Variants in MYO10 observed in about 807,000 individuals in gnomAD.
MYO10 encodes unconventional myosin-X.
In MYO10, 133 loss-of-function variants were observed where a neutral mutation model predicts 257.3. The ratio of observed to expected loss-of-function variants is 0.52; its 90% CI spans 0.45 to 0.60. MYO10 has a LOEUF of 0.60. MYO10 is among the 20% of genes least tolerant of loss of function. MYO10 has a pLI of 0.00. For missense variants in MYO10, 2,399 were observed against 2,635.7 expected (o/e 0.91, Z 1.97); for synonymous variants, 1,104 against 1,028.6 (o/e 1.07, Z -1.40).
At chr5:16,792,130 C>CAG (rs1411093853) in intron 4 of MYO10, among the ~76,000 whole-genome samples, 35 of 80,682 alleles carry the variant, frequency 4.3e-4, no homozygotes, top group African/African-American at 1.0e-3. Context: ...CACACACACA[C>CAG]ACAGAGAGAG....
chr5:16,912,990 A>C (rs1466549228), intron 1 of MYO10, among the ~76,000 whole-genome samples: 17 of 1,650 alleles, frequency 0.01, 1 homozygote, highest in Admixed American at 0.069. Context: ...TTTATTCCCA[A>C]AAAAAAAAAA....
chr5:16,851,148 T>G (rs1332556341), intron 2 of MYO10, among the ~76,000 whole-genome samples: 1 of 152,144 alleles, frequency 6.6e-6, no homozygotes, highest in African/African-American at 2.4e-5. Context: ...AAGACTTTAT[T>G]TCTACCATGA....
chr5:16,794,797 A>G lies in MYO10; in HGVS notation c.316T>C (p.Tyr106His), dbSNP rs372388137. 3 of 1,590,752 alleles carry G rather than the reference A, an allele frequency of 1.9e-6. No homozygotes were observed. The highest frequency in any genetic ancestry group is 1.8e-5 in the Admixed American group (1 of 56,676). Residue 106 changes from tyrosine (Y) to histidine (H), a missense_variant, in exon 4 of 41, where the codon TAC becomes CAC. This residue lies in a region of MYO10 where 242 missense variants were observed against 249.5 expected (regional missense o/e 0.97). Transcript: ENST00000513610. The stretch of plus-strand genomic sequence containing the variant: ...TCGTACAGCCCGGCGATGGGCTGGT[A>G]GGGGTTCACGGAGGCCAGGATGGAG... ...IGSILASVNP[Y>H]QPIAGLYEPA...
Position 16,670,778 on chromosome 5 carries a change from C to A in MYO10, c.5631G>T (p.Leu1877=), listed in dbSNP as rs1368333778. The part of the protein sequence containing the change: ...STKTFTPCER[L]EKRRTSFLEG... ...CTAGGAAGCTCGTCCGCCTCTTCTCCAGCCGTTCACAAGGGGTGAAGGTTT... is the reference window on the plus strand; with the variant it reads ...CTAGGAAGCTCGTCCGCCTCTTCTCAAGCCGTTCACAAGGGGTGAAGGTTT... Residue 1877 remains leucine (L), a synonymous_variant, in exon 39 of 41, where the codon CTG becomes CTT. Transcript: ENST00000513610. 1 of 1,613,850 alleles carries A rather than the reference C, an allele frequency of 6.2e-7. No homozygotes were observed. Among genetic ancestry groups the A allele is most frequent in the African/African-American group, 1.3e-5 (1 of 74,880 alleles).
chr5:16,724,943 C>T (rs1739296773), intron 19 of MYO10, among the ~76,000 whole-genome samples: 1 of 152,094 alleles, frequency 6.6e-6, no homozygotes, highest in Non-Finnish European at 1.5e-5. Flanking sequence ...TGCACGCTCA[C>T]GTGTGTGCAG....
intron 2 of MYO10, among the ~76,000 whole-genome samples, chr5:16,853,659 A>G (rs1743876868): frequency 1.3e-5 from 2 of 152,118 alleles, no homozygotes. Context: ...TTTATTGTCA[A>G]AGGCTGTCAC....
intron 17 of MYO10, among the ~76,000 whole-genome samples, chr5:16,759,871 T>TA (rs1740652052): frequency 1.3e-5 from 2 of 152,168 alleles, no homozygotes; most frequent in African/African-American, 4.8e-5. Flanking sequence ...ATAGAAGAGT[T>TA]AAAATAAGTT....
chr5:16,923,453 A>G lies in MYO10; in HGVS notation c.21+12335T>C, dbSNP rs191748266. On this transcript the variant is annotated intron_variant, in intron 1 of 40. Transcript: ENST00000513610. ...AGGTGCCCACCACCACGCCCGGCTA[A>G]TTTTTTTGTATTTTTAGTAGAGATG... Among the ~76,000 whole-genome samples the G allele has an allele frequency of 7.9e-5, 12 of 151,540 alleles. No individual in the cohort carries two copies. In the South Asian group the frequency reaches 2.1e-3, roughly 26 times the overall value.
At chr5:16,769,619 C>G (rs1298250453) in intron 9 of MYO10, among the ~76,000 whole-genome samples, 1 of 152,130 alleles carries the variant, frequency 6.6e-6, no homozygotes, top group African/African-American at 2.4e-5. Context: ...GGATTACAGG[C>G]GTGAGCCACC....
At chr5:16,814,143 A>C (rs928929569) in intron 3 of MYO10, among the ~76,000 whole-genome samples, 1 of 152,104 alleles carries the variant, frequency 6.6e-6, no homozygotes, top group South Asian at 2.1e-4. Context: ...TGTAATCTTC[A>C]TTTATTTATT....
In MYO10 at chr5:16,766,080, C is replaced by CTGT; in HGVS notation, c.1176_1178dup (p.Gln393dup). On this transcript the variant is annotated inframe_insertion and splice_region_variant, in exon 11 of 41. Coordinates refer to ENST00000513610, the MANE Select transcript of MYO10 (RefSeq NM_012334.3). ...AGATCAGATGGCAAAGCGTGTGTAC[C>CTGT]TGTTGAACATTGAGAGGCGTGAGGA... 6.3e-7 allele frequency: 1 copy of CTGT among 1,599,104 alleles called. No homozygotes were observed. Among genetic ancestry groups the CTGT allele is most frequent in the Non-Finnish European group, 8.6e-7 (1 of 1,166,554 alleles).
intron 1 of MYO10, among the ~76,000 whole-genome samples, chr5:16,910,156 A>G (rs993176744): frequency 6.6e-6 from 1 of 152,220 alleles, no homozygotes; most frequent in Admixed American, 6.5e-5. Context: ...TTCTGAAACT[A>G]GAGGTGATAG....
chr5:16,825,195 T>TCC lies in MYO10; in HGVS notation c.121-7030_121-7029dup, dbSNP rs151295062. ...CTGGGCAACTGTCTTCCTGCTACTC[T>TCC]CCTCCTTGGGGTCTCAGCTCAAATG... On this transcript the variant is annotated intron_variant, in intron 2 of 40. Coordinates refer to ENST00000513610, the MANE Select transcript of MYO10 (RefSeq NM_012334.3). Among the ~76,000 whole-genome samples, 46 of 152,274 alleles carry TCC rather than the reference T, an allele frequency of 3.0e-4. No individual in the cohort carries two copies. The East Asian group carries it at 8.5e-3, about 28-fold the overall frequency.
intron 19 of MYO10, chr5:16,713,471 A>G: frequency 1.0e-6 from 1 of 985,858 alleles, no homozygotes; most frequent in Non-Finnish European, 1.2e-6. Flanking sequence ...TGTGCTTTAA[A>G]AAGTGCCCGG....
At chr5:16,747,873 C>T (rs575284564) in intron 19 of MYO10, among the ~76,000 whole-genome samples, 7 of 124,798 alleles carry the variant, frequency 5.6e-5, no homozygotes, top group East Asian at 2.8e-4. Flanking sequence ...GAGCCGAGAT[C>T]GTGCCACTGC....
chr5:16,727,678 T>C (rs939900999), intron 19 of MYO10, among the ~76,000 whole-genome samples: 5 of 152,188 alleles, frequency 3.3e-5, no homozygotes, highest in African/African-American at 9.7e-5. Flanking sequence ...AATTTATATT[T>C]AGTTTTCAGG....
chr5:16,902,896 G>A (rs1181388194), intron 1 of MYO10, among the ~76,000 whole-genome samples: 4 of 152,186 alleles, frequency 2.6e-5, no homozygotes, highest in South Asian at 2.1e-4. Flanking sequence ...TTTAGCCCTC[G>A]TGGCTGACAA....
chr5:16,711,382 T>C (rs1049679928), intron 19 of MYO10, 137 bp from the exon 20 acceptor site: 5 of 924,790 alleles, frequency 5.4e-6, no homozygotes, highest in Non-Finnish European at 4.8e-6. Flanking sequence ...TACACAGAAA[T>C]AGAGACTAGC....
chr5:16,711,011 A>C lies in MYO10; in HGVS notation c.2066T>G (p.Leu689Arg). Residue 689 changes from leucine to arginine, a missense_variant, in exon 21 of 41, where the codon CTG becomes CGG. Coordinates refer to ENST00000513610, the MANE Select transcript of MYO10 (RefSeq NM_012334.3). ...FQDFYKRYKV[L>R]MRNLALPEDV... The stretch of plus-strand genomic sequence containing the variant: ...CTCAGGCAGAGCCAGATTCCTCATC[A>C]GCACTTTATACCTGCAACGTGAAGA... 6.2e-7 allele frequency: 1 copy of C among 1,613,998 alleles called. No individual in the cohort carries two copies. Among genetic ancestry groups the C allele is most frequent in the Non-Finnish European group, 8.5e-7 (1 of 1,179,888 alleles).
Sources: gnomAD v4.1 joint callset for allele counts (sites outside exome capture counted in the v4.1 genomes callset) on GRCh38, gnomAD v4.1.1 for gene constraint, gnomAD v4.1.1 regional missense constraint, MANE v1.5 for transcripts, NCBI Gene and HGNC (gene_info 2026-07-23, HGNC 2026-07-21) for gene names.